The following KCNIP1 variants were observed in gnomAD, a reference collection of about 807,000 sequenced individuals.
The protein encoded by KCNIP1 is potassium voltage-gated channel interacting protein 1, also known as A-type potassium channel modulatory protein KCNIP1.
Under a neutral mutation model 33.0 loss-of-function variants are expected in KCNIP1, and 18 were observed. That is an observed-to-expected ratio of 0.55 (90% CI 0.38 to 0.81). The LOEUF is 0.81. Ranked by LOEUF, KCNIP1 falls within the 30% of genes least tolerant of loss-of-function variation. KCNIP1 has a pLI of 0.00. For missense variants in KCNIP1, 238 were observed against 271.6 expected, an observed-to-expected ratio of 0.88 and a Z score of 0.87; for synonymous variants, 93 against 98.3, an observed-to-expected ratio of 0.95 and a Z score of 0.32.
intron 1 of KCNIP1, among the ~76,000 whole-genome samples, chr5:170,427,834 C>T (rs1755647524): frequency 6.6e-6 from 1 of 152,250 alleles, no homozygotes; most frequent in African/African-American, 2.4e-5. Flanking sequence ...TCCCATCACA[C>T]TTCCTGCAGC....
intron 1 of KCNIP1, among the ~76,000 whole-genome samples, chr5:170,401,341 A>T (rs75997691): frequency 2.8e-4 from 43 of 152,298 alleles, no homozygotes; most frequent in Non-Finnish European, 3.2e-4. Flanking sequence ...CTACATTTAC[A>T]CTCAGAGTGA....
chr5:170,434,288 TTAAG>T (rs1359416336), intron 1 of KCNIP1, among the ~76,000 whole-genome samples: 1 of 152,218 alleles, frequency 6.6e-6, no homozygotes, highest in Non-Finnish European at 1.5e-5. Context: ...ACATACAAGA[TTAAG>T]TATGTATGTA....
intron 1 of KCNIP1, among the ~76,000 whole-genome samples, chr5:170,404,116 A>G (rs1469673743): frequency 6.6e-6 from 1 of 152,220 alleles, no homozygotes; most frequent in Non-Finnish European, 1.5e-5. Context: ...TCTGAACACA[A>G]ACATGCCAGA....
chr5:170,568,648 T>TAAAAAAAAAAAAAAAAAAAA (rs33992187), intron 1 of KCNIP1, among the ~76,000 whole-genome samples: 3 of 43,728 alleles, frequency 6.9e-5, no homozygotes, highest in African/African-American at 1.3e-4. Context: ...CCGTTTCTAC[T>TAAAAAAAAAAAAAAAAAAAA]AAAAAAAAAA....
At position 170,703,903 on chromosome 5, in the gene KCNIP1, A is replaced by G. The variant is rs181131862; in HGVS notation, c.62-14855A>G. ...GGAGTGAGATACCGAAAACAAAAAT[A>G]AAACAAAAATAAGCACAAGACACAA... On this transcript the variant is annotated intron_variant, in intron 1 of 7. Coordinates refer to ENST00000328939, the MANE Select transcript of KCNIP1 (RefSeq NM_014592.4). Among the ~76,000 whole-genome samples the G allele has an allele frequency of 1.6e-4, 22 of 138,198 alleles. 5 individuals are homozygous for G. Among genetic ancestry groups the G allele is most frequent in the African/African-American group, 5.8e-4 (22 of 37,842 alleles). The allele number at this position is 138,198 out of a possible 152,430, so 90.7% of individuals were successfully genotyped here.
At chr5:170,576,836 C>G (rs554862232) in intron 1 of KCNIP1, among the ~76,000 whole-genome samples, 1 of 152,190 alleles carries the variant, frequency 6.6e-6, no homozygotes, top group African/African-American at 2.4e-5. Context: ...TTGGCTGCCC[C>G]CTTTGAAGTA....
At chr5:170,519,955 T>A (rs1755298556) in intron 1 of KCNIP1, among the ~76,000 whole-genome samples, 1 of 152,066 alleles carries the variant, frequency 6.6e-6, no homozygotes, top group Admixed American at 6.5e-5. Flanking sequence ...AGCGAAAGCA[T>A]GAAGAAATGA....
intron 1 of KCNIP1, among the ~76,000 whole-genome samples, chr5:170,455,021 A>G (rs1273736243): frequency 6.6e-6 from 1 of 152,252 alleles, no homozygotes; most frequent in East Asian, 1.9e-4. Context: ...AAGATACCAC[A>G]ATTATAAACA....
At chr5:170,530,472 A>C (rs1424476363) in intron 1 of KCNIP1, among the ~76,000 whole-genome samples, 1 of 152,162 alleles carries the variant, frequency 6.6e-6, no homozygotes, top group South Asian at 2.1e-4. Context: ...ATGTATCCGG[A>C]CTGCAAGGAT....
intron 1 of KCNIP1, among the ~76,000 whole-genome samples, chr5:170,626,667 T>C (rs1216401828): frequency 1.3e-5 from 2 of 152,208 alleles, no homozygotes; most frequent in Non-Finnish European, 2.9e-5. Flanking sequence ...CCAGGTCTCA[T>C]TGCCCGAGTG....
Position 170,409,823 on chromosome 5 carries a change from C to T in KCNIP1, c.88+55859C>T, listed in dbSNP as rs11950249. On this transcript the variant is annotated intron_variant, in intron 1 of 7. Coordinates refer to the KCNIP1 transcript ENST00000377360. ...CCCTCAGTGTGCCTCAGTGTCTTTCCCTGTAAAATGGGCAACATAATGTAT... is the reference window on the plus strand; with the variant it reads ...CCCTCAGTGTGCCTCAGTGTCTTTCTCTGTAAAATGGGCAACATAATGTAT... 9.7e-3 allele frequency among the ~76,000 whole-genome samples: 1,470 copies of T among 152,178 alleles called. 22 individuals carry two copies. The highest frequency in any genetic ancestry group is 0.033 in the African/African-American group (1,384 of 41,508).
In KCNIP1 at chr5:170,585,639, C is replaced by T. The variant is rs538545039; in HGVS notation, c.61+81006C>T. 3.9e-5 allele frequency among the ~76,000 whole-genome samples: 6 copies of T among 152,232 alleles called. No individual in the cohort carries two copies. The South Asian group carries it at 6.2e-4, about 16-fold the overall frequency. ...GCCCCGGAAATGGTTCTGTTGTTAC[C>T]GGACCAATCAGGGCACCCAGCAGCG... On this transcript the variant is annotated intron_variant, in intron 1 of 7. Coordinates refer to ENST00000328939, the MANE Select transcript of KCNIP1 (RefSeq NM_014592.4).
chr5:170,383,987 G>T, intron 1 of KCNIP1: 1 of 818,554 alleles, frequency 1.2e-6, no homozygotes, highest in Non-Finnish European at 1.9e-6. Flanking sequence ...TCAGCATCCA[G>T]CAATAAAGGC....
chr5:170,648,378 A>G (rs1760879813), intron 1 of KCNIP1, among the ~76,000 whole-genome samples: 1 of 152,224 alleles, frequency 6.6e-6, no homozygotes, highest in Non-Finnish European at 1.5e-5. Context: ...GTAGGCCACC[A>G]AGATGTCCTT....
chr5:170,397,905 T>C (rs967385257), intron 1 of KCNIP1, among the ~76,000 whole-genome samples: 5 of 152,188 alleles, frequency 3.3e-5, no homozygotes, highest in African/African-American at 1.2e-4. Context: ...TGCCAGGTTA[T>C]AGGTAGATTT....
chr5:170,655,278 T>C (rs145092574), intron 1 of KCNIP1, among the ~76,000 whole-genome samples: 1 of 152,294 alleles, frequency 6.6e-6, no homozygotes, highest in East Asian at 1.9e-4. Flanking sequence ...GGGGCCCTGT[T>C]GTATAAAAAT....
chr5:170,518,664 T>A (rs912530824), intron 1 of KCNIP1, among the ~76,000 whole-genome samples: 3 of 152,248 alleles, frequency 2.0e-5, no homozygotes, highest in African/African-American at 7.2e-5. Flanking sequence ...AGCAATTCGA[T>A]AACCTGGCAG....
chr5:170,660,998 T>G (rs953601360), intron 1 of KCNIP1, among the ~76,000 whole-genome samples: 2 of 152,238 alleles, frequency 1.3e-5, no homozygotes, highest in Non-Finnish European at 2.9e-5. Context: ...AGGAGAATGC[T>G]CTCAGATGAC....
At chr5:170,480,143 T>C (rs1247865816) in intron 1 of KCNIP1, among the ~76,000 whole-genome samples, 1 of 152,216 alleles carries the variant, frequency 6.6e-6, no homozygotes, top group Non-Finnish European at 1.5e-5. Context: ...TATGGGTATA[T>C]ATTGGTTTTA....
Sources: gnomAD v4.1 joint callset for allele counts (sites outside exome capture counted in the v4.1 genomes callset) on GRCh38, gnomAD v4.1.1 for gene constraint, MANE v1.5 for transcripts, NCBI Gene and HGNC (gene_info 2026-07-23, HGNC 2026-07-21) for gene names.